The following TMC1 variants were observed in gnomAD, a reference collection of about 807,000 sequenced individuals.
The protein encoded by TMC1 is transmembrane channel-like protein 1.
TMC1 carries 84 observed loss-of-function variants against 105.8 expected under a neutral mutation model. The observed-to-expected ratio is 0.79, with a 90% confidence interval of 0.67 to 0.95. TMC1 has a LOEUF of 0.95. TMC1 is among the 40% of genes least tolerant of loss of function. The probability of loss-of-function intolerance (pLI) is 0.00; values close to 1 mark genes in which losing one functional copy is unlikely to be tolerated. For missense variants in TMC1, 817 were observed against 914.1 expected (o/e 0.89, Z 1.37); for synonymous variants, 315 against 311.5 (o/e 1.01, Z -0.12).
At chr9:72,708,963 G>A (rs944164836) in intron 8 of TMC1, among the ~76,000 whole-genome samples, 1 of 151,760 alleles carries the variant, frequency 6.6e-6, no homozygotes, top group Non-Finnish European at 1.5e-5. Context: ...TAATCAAAAT[G>A]GGATGCTGGT....
At chr9:72,674,364 G>C (rs1271646349) in intron 5 of TMC1, among the ~76,000 whole-genome samples, 1 of 152,164 alleles carries the variant, frequency 6.6e-6, no homozygotes, top group Non-Finnish European at 1.5e-5. Context: ...AAGTTTGGAA[G>C]ACATATACTT....
chr9:72,691,608 A>G (rs750392000), intron 6 of TMC1, among the ~76,000 whole-genome samples: 6 of 152,100 alleles, frequency 3.9e-5, no homozygotes, highest in Non-Finnish European at 7.4e-5. Flanking sequence ...AAGAATTCAT[A>G]ATCTCTTGTT....
chr9:72,640,219 T>C (rs1161113044), intron 4 of TMC1, among the ~76,000 whole-genome samples: 3 of 152,244 alleles, frequency 2.0e-5, no homozygotes, highest in African/African-American at 7.2e-5. Context: ...TGACCACTTG[T>C]CATGGCTGGC....
intron 3 of TMC1, among the ~76,000 whole-genome samples, chr9:72,623,262 C>T (rs540205126): frequency 2.7e-5 from 4 of 150,916 alleles, no homozygotes; most frequent in Admixed American, 6.6e-5. Flanking sequence ...GAATATTCCC[C>T]AAGTCCTCTA....
rs537410031 is a variant in TMC1 at position 72,666,265 on chromosome 9, A to T, written c.16+17601A>T. Reference sequence around the variant, plus strand: ...ACCTTGTCCTGTCTCTATTAAAAAAAAAAAAAGGAAGGAAAGGGAAGAAAA... The same window carrying T: ...ACCTTGTCCTGTCTCTATTAAAAAATAAAAAAGGAAGGAAAGGGAAGAAAA... On this transcript the variant is annotated intron_variant, in intron 5 of 23. Coordinates refer to ENST00000297784, the MANE Select transcript of TMC1 (RefSeq NM_138691.3). 3.3e-5 allele frequency among the ~76,000 whole-genome samples: 5 copies of T among 152,254 alleles called. No individual in the cohort carries two copies. In the South Asian group the frequency reaches 1.0e-3, roughly 32 times the overall value.
At chr9:72,795,294 A>G (rs755585690) in intron 17 of TMC1, among the ~76,000 whole-genome samples, 21 of 152,220 alleles carry the variant, frequency 1.4e-4, no homozygotes, top group Non-Finnish European at 2.8e-4. Flanking sequence ...TAGGAAATAC[A>G]GAGAATTCCT....
intron 1 of TMC1, among the ~76,000 whole-genome samples, chr9:72,532,030 T>G (rs1367636024): frequency 6.6e-6 from 1 of 151,878 alleles, no homozygotes. Flanking sequence ...CTCCTAGGGT[T>G]AAGTGATTCT....
intron 4 of TMC1, among the ~76,000 whole-genome samples, chr9:72,648,110 T>C (rs1226775082): frequency 1.3e-5 from 2 of 152,204 alleles, no homozygotes; most frequent in Non-Finnish European, 2.9e-5. Context: ...GGAGATTGAT[T>C]GCTATGTTGA....
chr9:72,573,364 T>G (rs1016172353), intron 1 of TMC1, among the ~76,000 whole-genome samples: 4 of 152,134 alleles, frequency 2.6e-5, no homozygotes, highest in Non-Finnish European at 5.9e-5. Flanking sequence ...CTCCTCTAAA[T>G]AGGGGTGCTA....
At chr9:72,760,616 C>CA (rs1472784541) in intron 12 of TMC1, among the ~76,000 whole-genome samples, 1 of 152,096 alleles carries the variant, frequency 6.6e-6, no homozygotes, top group Non-Finnish European at 1.5e-5. Flanking sequence ...GAGATCTGAG[C>CA]AGCACACCCA....
At chr9:72,528,627 C>T (rs1823446625) in intron 1 of TMC1, among the ~76,000 whole-genome samples, 1 of 152,124 alleles carries the variant, frequency 6.6e-6, no homozygotes, top group African/African-American at 2.4e-5. Context: ...AGCCACTGCA[C>T]CTGGCCAAGT....
chr9:72,686,583 A>G (rs867213325), intron 5 of TMC1, among the ~76,000 whole-genome samples: 2 of 152,222 alleles, frequency 1.3e-5, no homozygotes, highest in South Asian at 2.1e-4. Flanking sequence ...TCCTGGTCAT[A>G]GTGCTGCTAT....
Position 72,805,446 on chromosome 9 carries a change from T to C in TMC1, c.1631T>C (p.Phe544Ser). Residue 544 changes from phenylalanine to serine, a missense_variant, in exon 18 of 24, where the codon TTT becomes TCT. Phe to Ser is a radical substitution (Grantham distance 155). Transcript: ENST00000297784. ...TACGTCACAATCCTCATTGGGGACT[T>C]TCTAAGGGCATGTTTTGTGAGGTTT... ...TTYVTILIGDFLRACFVRFCN... is the reference protein window; with the variant it reads ...TTYVTILIGDSLRACFVRFCN... The C allele has an allele frequency of 6.2e-7, 1 of 1,614,080 alleles. No homozygotes were observed. Among genetic ancestry groups the C allele is most frequent in the Non-Finnish European group, 8.5e-7 (1 of 1,179,958 alleles).
At chr9:72,639,057 T>C (rs1825581489) in intron 4 of TMC1, among the ~76,000 whole-genome samples, 1 of 152,192 alleles carries the variant, frequency 6.6e-6, no homozygotes, top group African/African-American at 2.4e-5. Context: ...TTCTTCATTA[T>C]TGTTTTTTTT....
Position 72,714,989 on chromosome 9 carries a change from G to T in TMC1, c.362+14346G>T, listed in dbSNP as rs554537563. 3.9e-5 allele frequency among the ~76,000 whole-genome samples: 6 copies of T among 152,220 alleles called. No individual in the cohort carries two copies. The East Asian group carries it at 1.2e-3, about 29-fold the overall frequency. On this transcript the variant is annotated intron_variant, in intron 8 of 23. Transcript: ENST00000297784. ...TGACAAAATCTCTCAGCATTTCCTT[G>T]TCTGTAAAGGATTTTATTTCTCCTT... is the stretch of plus-strand genomic sequence containing the variant.
At chr9:72,550,337 G>T (rs1823839808) in intron 1 of TMC1, among the ~76,000 whole-genome samples, 1 of 151,664 alleles carries the variant, frequency 6.6e-6, no homozygotes, top group South Asian at 2.1e-4. Flanking sequence ...GCGTGGTCAG[G>T]CGCCTGTAAT....
intron 18 of TMC1, among the ~76,000 whole-genome samples, chr9:72,815,736 TGTTA>T (rs1828776693): frequency 1.3e-5 from 2 of 152,348 alleles, no homozygotes; most frequent in Admixed American, 1.3e-4. Context: ...CATCATTGCT[TGTTA>T]AAGTTTATCA....
At chr9:72,757,774 G>A (rs1361578971) in intron 12 of TMC1, among the ~76,000 whole-genome samples, 1 of 152,112 alleles carries the variant, frequency 6.6e-6, no homozygotes, top group Non-Finnish European at 1.5e-5. Flanking sequence ...GCATTTAAGA[G>A]TTTAGATTTT....
At chr9:72,545,155 C>T (rs1026956180) in intron 1 of TMC1, among the ~76,000 whole-genome samples, 1 of 151,584 alleles carries the variant, frequency 6.6e-6, no homozygotes, top group Admixed American at 6.6e-5. Flanking sequence ...CACACACACA[C>T]ACACACATAT....
Sources: allele counts gnomAD v4.1 joint callset (sites outside exome capture counted in the v4.1 genomes callset), GRCh38; gene constraint gnomAD v4.1.1; transcripts MANE v1.5; gene names NCBI Gene and HGNC (gene_info 2026-07-23, HGNC 2026-07-21).